The following ROBO2 variants were observed in gnomAD, a reference collection of about 807,000 sequenced individuals.
The protein encoded by ROBO2 is roundabout guidance receptor 2.
A neutral mutation model predicts 160.8 loss-of-function variants in ROBO2; 53 were observed. That is an observed-to-expected ratio of 0.33 (90% CI 0.26 to 0.41). The LOEUF is 0.41. ROBO2 is among the 10% of genes least tolerant of loss of function. ROBO2 has a pLI of 1.00. For missense variants in ROBO2, 1,577 were observed against 1,722.4 expected (o/e 0.92, Z 1.49); for synonymous variants, 664 against 611.7 (o/e 1.09, Z -1.26).
intron 2 of ROBO2, among the ~76,000 whole-genome samples, chr3:77,282,201 A>G (rs2060288712): frequency 6.6e-6 from 1 of 152,174 alleles, no homozygotes; most frequent in Admixed American, 6.5e-5. Context: ...GGTTAATTTA[A>G]TTTTGCAAGC....
intron 2 of ROBO2, among the ~76,000 whole-genome samples, chr3:77,419,667 G>A (rs1034457842): frequency 1.3e-5 from 2 of 152,186 alleles, no homozygotes; most frequent in Non-Finnish European, 2.9e-5. Flanking sequence ...AAATATTAAG[G>A]CTATAGTACA....
chr3:76,731,493 T>TC (rs141401319), intron 2 of ROBO2, among the ~76,000 whole-genome samples: 1,672 of 152,290 alleles, frequency 0.011, 29 homozygotes, highest in African/African-American at 0.037. Flanking sequence ...GTTTTTTTTT[T>TC]CAAGTTCTTT....
chr3:76,503,175 G>A (rs186778156), intron 2 of ROBO2, among the ~76,000 whole-genome samples: 124 of 152,246 alleles, frequency 8.1e-4, no homozygotes, highest in Non-Finnish European at 1.6e-3. Context: ...TTGAGGGCAG[G>A]AAGCATCCAG....
chr3:75,957,461 A>C (rs577103163), intron 2 of ROBO2, among the ~76,000 whole-genome samples: 4 of 151,576 alleles, frequency 2.6e-5, no homozygotes, highest in African/African-American at 7.2e-5. Flanking sequence ...ATAAATATTT[A>C]TGCTAAGCTT....
At chr3:76,127,921 A>C (rs1398882019) in intron 2 of ROBO2, among the ~76,000 whole-genome samples, 5 of 125,508 alleles carry the variant, frequency 4.0e-5, no homozygotes, top group Non-Finnish European at 8.1e-5. Context: ...TTTGAGACGA[A>C]GTCCCACTCT....
chr3:77,518,140 T>A (rs980615884), intron 5 of ROBO2, among the ~76,000 whole-genome samples: 1 of 151,452 alleles, frequency 6.6e-6, no homozygotes, highest in Non-Finnish European at 1.5e-5. Context: ...AGTTATCATA[T>A]GTTATCATAT....
chr3:76,796,193 C>T (rs929900166), intron 2 of ROBO2, among the ~76,000 whole-genome samples: 4 of 152,016 alleles, frequency 2.6e-5, no homozygotes, highest in Non-Finnish European at 5.9e-5. Context: ...GTCAACCTGT[C>T]CATCGAAGCC....
chr3:77,290,244 A>G (rs1190385576), intron 2 of ROBO2, among the ~76,000 whole-genome samples: 1 of 144,372 alleles, frequency 6.9e-6, no homozygotes, highest in African/African-American at 2.6e-5. Context: ...AGTAAAATTG[A>G]TGGTTAAACG....
chr3:77,452,200 G>T (rs1045047779), intron 2 of ROBO2, among the ~76,000 whole-genome samples: 1 of 152,070 alleles, frequency 6.6e-6, no homozygotes, highest in Admixed American at 6.6e-5. Context: ...ATGTAAAAAT[G>T]ATCCTTGAAA....
At chr3:76,509,111 G>GA (rs2080948650) in intron 2 of ROBO2, among the ~76,000 whole-genome samples, 1 of 152,068 alleles carries the variant, frequency 6.6e-6, no homozygotes, top group East Asian at 1.9e-4. Flanking sequence ...ATTACTATCA[G>GA]GAAACTACCT....
chr3:76,051,868 C>T (rs2067664799), intron 2 of ROBO2, among the ~76,000 whole-genome samples: 1 of 151,838 alleles, frequency 6.6e-6, no homozygotes, highest in South Asian at 2.1e-4. Context: ...TGATAAAGCT[C>T]AGCTTATTTA....
rs568856296 is a variant in ROBO2, at chr3:77,635,377, A to G, written c.3934+334A>G. Among the ~76,000 whole-genome samples the G allele has an allele frequency of 1.6e-4, 24 of 152,284 alleles. 1 individual carries two copies. The highest frequency in any genetic ancestry group is 5.5e-4 in the African/African-American group (23 of 41,576). ...CTGCATGTGCACTTATATGATCAGAACTTTTATCATATTAAATTACAATAT... is the reference window on the plus strand; with the variant it reads ...CTGCATGTGCACTTATATGATCAGAGCTTTTATCATATTAAATTACAATAT... On this transcript the variant is annotated intron_variant, in intron 24 of 25. Transcript: ENST00000461745.
intron 2 of ROBO2, among the ~76,000 whole-genome samples, chr3:76,085,112 T>TAC (rs1306397740): frequency 8.4e-4 from 123 of 146,774 alleles, no homozygotes; most frequent in African/African-American, 2.8e-3. Context: ...CATATATATA[T>TAC]ATATACACAC....
chr3:76,780,078 T>C (rs912383029), intron 2 of ROBO2, among the ~76,000 whole-genome samples: 1 of 151,004 alleles, frequency 6.6e-6, no homozygotes, highest in African/African-American at 2.4e-5. Context: ...TGGTTTTTAA[T>C]AGCAGACATT....
At chr3:76,459,921 G>A (rs1036861536) in intron 2 of ROBO2, among the ~76,000 whole-genome samples, 1 of 151,836 alleles carries the variant, frequency 6.6e-6, no homozygotes, top group African/African-American at 2.4e-5. Flanking sequence ...TTTAACAAAT[G>A]AACCAACAAA....
intron 2 of ROBO2, among the ~76,000 whole-genome samples, chr3:77,210,785 G>C (rs904510325): frequency 2.2e-5 from 3 of 136,728 alleles, no homozygotes; most frequent in African/African-American, 5.6e-5. Flanking sequence ...TCCCCTTCCT[G>C]TGTCCATGAG....
intron 2 of ROBO2, among the ~76,000 whole-genome samples, chr3:77,417,032 T>G (rs544208571): frequency 1.3e-5 from 2 of 152,136 alleles, no homozygotes; most frequent in South Asian, 2.1e-4. Context: ...AGTCTAGGAT[T>G]TGTTTCTTTG....
chr3:77,622,284 G>A lies in ROBO2; in HGVS notation c.3612G>A (p.Val1204=). Residue 1204 remains valine, a synonymous_variant, in exon 23 of 26, where the codon GTG becomes GTA. Transcript: ENST00000461745. ...CTCCAGTTCCACCGTTAGGTTATGT[G>A]TCTGGAGCCTTGATTTCTGATTTGG... 6.2e-7 allele frequency: 1 copy of A among 1,614,118 alleles called. No individual in the cohort carries two copies.
intron 2 of ROBO2, among the ~76,000 whole-genome samples, chr3:76,763,390 C>T (rs2061409004): frequency 6.6e-6 from 1 of 151,674 alleles, no homozygotes; most frequent in Admixed American, 6.6e-5. Flanking sequence ...TACCATGTGC[C>T]AGCCAATGTC....
Sources: gnomAD v4.1 joint callset for allele counts (sites outside exome capture counted in the v4.1 genomes callset) on GRCh38, gnomAD v4.1.1 for gene constraint, MANE v1.5 for transcripts, NCBI Gene and HGNC (gene_info 2026-07-23, HGNC 2026-07-21) for gene names.